SBSPON: variants seen among roughly 807,000 people sequenced by gnomAD.
SBSPON encodes the protein somatomedin-B and thrombospondin type-1 domain-containing protein.
In SBSPON, 30 loss-of-function variants were observed where a neutral mutation model predicts 35.8. That is an observed-to-expected ratio of 0.84 (90% CI 0.63 to 1.14). The LOEUF is 1.14. Ranked by LOEUF, SBSPON falls within the 50% of genes most tolerant of loss-of-function variation. The pLI, the probability that SBSPON is intolerant of heterozygous loss-of-function variation, is 0.00. For synonymous variants in SBSPON, 136 were observed against 135.9 expected, an observed-to-expected ratio of 1.00 and a Z score of 0.00; for missense variants, 364 against 357.7, an observed-to-expected ratio of 1.02 and a Z score of -0.14.
chr8:73,071,655 A>G, intron 3 of SBSPON, 125 bp downstream of exon 3: 1 of 630,982 alleles, frequency 1.6e-6, no homozygotes. Flanking sequence ...AAGAGTCCAT[A>G]TTTTAGCCAA....
rs188760348 is a variant in SBSPON at position 73,073,342 on chromosome 8, C to T, written c.410-1472G>A. 1.8e-3 allele frequency among the ~76,000 whole-genome samples: 270 copies of T among 152,304 alleles called. 3 individuals are homozygous for T. Among genetic ancestry groups the T allele is most frequent in the Admixed American group, 8.4e-3 (128 of 15,294 alleles). ...TACAAGCTGATATCAACTTATGAGACGCCAAAGTCATCATCAACATGAACT... is the reference window on the plus strand; with the variant it reads ...TACAAGCTGATATCAACTTATGAGATGCCAAAGTCATCATCAACATGAACT... On this transcript the variant is annotated intron_variant, in intron 2 of 4. Transcript: ENST00000297354.
chr8:73,072,709 G>A (rs968634842), intron 2 of SBSPON, among the ~76,000 whole-genome samples: 2 of 152,108 alleles, frequency 1.3e-5, no homozygotes, highest in African/African-American at 4.8e-5. Flanking sequence ...GAAAGAAGGT[G>A]AGTCTTCCCC....
At chr8:73,078,573 A>C (rs7011514) in intron 2 of SBSPON, among the ~76,000 whole-genome samples, 29,421 of 151,936 alleles carry the variant, frequency 0.19, 2,958 homozygotes, top group South Asian at 0.29. Context: ...TGCTGAAGGA[A>C]CCCTCTAGCA....
chr8:73,069,032 CCA>C (rs1280056270), intron 4 of SBSPON, among the ~76,000 whole-genome samples: 1 of 152,262 alleles, frequency 6.6e-6, no homozygotes, highest in Middle Eastern at 3.4e-3. Flanking sequence ...GTCACAGAGA[CCA>C]CACAGCCTGC....
chr8:73,087,661 T>C (rs1224739066), intron 1 of SBSPON, among the ~76,000 whole-genome samples: 3 of 152,218 alleles, frequency 2.0e-5, no homozygotes, highest in African/African-American at 7.2e-5. Context: ...GCATGGTGCC[T>C]CTTTCCCTCC....
At position 73,092,917 on chromosome 8, in the gene SBSPON, A is replaced by C; in HGVS notation, c.151T>G (p.Phe51Val). The C allele has an allele frequency of 6.2e-7, 1 of 1,611,586 alleles. No homozygotes were observed. Among genetic ancestry groups the C allele is most frequent in the South Asian group, 1.1e-5 (1 of 90,824 alleles). ...WRLDRVYGTC[F>V]CDQACRFTGD... ...GTGAAGCGACAGGCTTGGTCGCAGA[A>C]ACACGTCCCGTAGACCCTGTCCAGC... Residue 51 changes from phenylalanine (F) to valine (V), a missense_variant, in exon 1 of 5, where the codon TTC becomes GTC. Transcript: ENST00000297354.
chr8:73,067,404 C>T lies in SBSPON; in HGVS notation c.732G>A (p.Trp244Ter), dbSNP rs1332668307. ...ACTGGTCTACTCGCCGAACTTTTTT[C>T]CAAGTTCCTTGACACCGAGGATTAC... ...AIGNPRCQGTWKKVRRVDQCS... is the reference protein window; with the variant it reads ...AIGNPRCQGT Residue 244 changes from tryptophan (W) to a stop codon, truncating the protein, a stop_gained, in exon 5 of 5, where the codon TGG becomes TGA. Coordinates refer to ENST00000297354, the MANE Select transcript of SBSPON (RefSeq NM_153225.4). LOFTEE classifies it high-confidence loss of function. 2 of 1,612,262 alleles carry T rather than the reference C, an allele frequency of 1.2e-6. No homozygotes were observed. The highest frequency in any genetic ancestry group is 1.7e-6 in the Non-Finnish European group (2 of 1,179,176).
chr8:73,069,682 A>T, intron 4 of SBSPON, 123 bp downstream of exon 4: 1 of 780,072 alleles, frequency 1.3e-6, no homozygotes, highest in Non-Finnish European at 2.1e-6. Context: ...CTCCTCACCT[A>T]CTGTTTTGAC....
chr8:73,086,307 C>G (rs1367026350), intron 1 of SBSPON, among the ~76,000 whole-genome samples: 1 of 151,834 alleles, frequency 6.6e-6, no homozygotes, highest in South Asian at 2.1e-4. Flanking sequence ...ATTATAGGAG[C>G]GCACCTCCCT....
rs1684884579 is a variant in SBSPON at position 73,064,720 on chromosome 8, TGATTATAG to T, written c.*2613_*2620del. 1.0e-5 allele frequency: 1 copy of T among 95,476 alleles called. No homozygotes were observed. Among genetic ancestry groups the T allele is most frequent in the African/African-American group, 3.2e-5 (1 of 31,508 alleles). 5.9% of individuals were successfully genotyped at this position (95,476 alleles called of 1,614,324 possible). On this transcript the variant is annotated 3_prime_UTR_variant, in exon 5 of 5. Coordinates refer to ENST00000297354, the MANE Select transcript of SBSPON (RefSeq NM_153225.4). ...AAGCAAAACTCCAAAAAGAATACTGTGATTATAGTTACCTTATTCCTTTTTCTATTCTT... is the reference window on the plus strand; with the variant it reads ...AAGCAAAACTCCAAAAAGAATACTGTTTACCTTATTCCTTTTTCTATTCTT...
At chr8:73,069,595 A>AT (rs1428641685) in intron 4 of SBSPON, among the ~76,000 whole-genome samples, 1 of 152,130 alleles carries the variant, frequency 6.6e-6, no homozygotes, top group Non-Finnish European at 1.5e-5. Flanking sequence ...GACCCATATT[A>AT]ACTGCTGGTG....
intron 1 of SBSPON, among the ~76,000 whole-genome samples, chr8:73,090,639 G>A (rs1810913963): frequency 1.3e-5 from 2 of 152,214 alleles, no homozygotes; most frequent in Non-Finnish European, 2.9e-5. Flanking sequence ...CAGGCACAGG[G>A]AATTTCTCAA....
chr8:73,077,053 T>C (rs1810607010), intron 2 of SBSPON, among the ~76,000 whole-genome samples: 1 of 152,188 alleles, frequency 6.6e-6, no homozygotes, highest in Non-Finnish European at 1.5e-5. Flanking sequence ...ATTACAGGTA[T>C]ATGCCACCAC....
intron 1 of SBSPON, among the ~76,000 whole-genome samples, chr8:73,083,021 T>C (rs1480768076): frequency 6.6e-6 from 1 of 152,230 alleles, no homozygotes; most frequent in Admixed American, 6.5e-5. Flanking sequence ...GGCCTTGAAT[T>C]AGACTTGGTC....
At position 73,066,533 on chromosome 8, in the gene SBSPON, G is replaced by T. The variant is rs1337485415; in HGVS notation, c.*808C>A. The T allele has an allele frequency of 1.3e-5, 2 of 152,122 alleles. No individual in the cohort carries two copies. The highest frequency in any genetic ancestry group is 2.4e-5 in the African/African-American group (1 of 41,394). 9.4% of individuals were successfully genotyped at this position (152,122 alleles called of 1,614,324 possible). On this transcript the variant is annotated 3_prime_UTR_variant, in exon 5 of 5. Coordinates refer to ENST00000297354, the MANE Select transcript of SBSPON (RefSeq NM_153225.4). ...CTTACATCAACTAAACTTGAAGCTG[G>T]ACTCTGAAAGATTATTTTATTCAGC... is the stretch of plus-strand genomic sequence containing the variant.
rs1345005662 is a variant in SBSPON at position 73,074,298 on chromosome 8, CAT to C, written c.410-2430_410-2429del. ...AAGAGGCTATGAAGTGGAAGGAAAA[CAT>C]AAATATATGATTCTAGTTTCTGATA... is the stretch of plus-strand genomic sequence containing the variant. On this transcript the variant is annotated intron_variant, in intron 2 of 4. Transcript: ENST00000297354. 4.6e-5 allele frequency among the ~76,000 whole-genome samples: 7 copies of C among 152,236 alleles called. No individual in the cohort carries two copies. In the East Asian group the frequency reaches 7.7e-4, roughly 17 times the overall value.
chr8:73,086,772 A>G (rs1332840203), intron 1 of SBSPON, among the ~76,000 whole-genome samples: 1 of 152,232 alleles, frequency 6.6e-6, no homozygotes, highest in Non-Finnish European at 1.5e-5. Context: ...ATATGAATAA[A>G]AAAGATAATA....
chr8:73,090,341 A>G (rs776516732), intron 1 of SBSPON, among the ~76,000 whole-genome samples: 94 of 152,358 alleles, frequency 6.2e-4, no homozygotes, highest in Non-Finnish European at 1.1e-3. Context: ...AATCACAAAT[A>G]AAAAACAAAT....
At chr8:73,085,876 A>T (rs1810814664) in intron 1 of SBSPON, 1 of 151,896 alleles carries the variant, frequency 6.6e-6, no homozygotes, top group African/African-American at 2.4e-5. Flanking sequence ...AATCACAGAG[A>T]CTCAAGCACT....
Sources: gnomAD v4.1 joint callset for allele counts (sites outside exome capture counted in the v4.1 genomes callset) on GRCh38, gnomAD v4.1.1 for gene constraint, MANE v1.5 for transcripts, NCBI Gene and HGNC (gene_info 2026-07-23, HGNC 2026-07-21) for gene names.